SYNPO2: variants seen among roughly 807,000 people sequenced by gnomAD.
SYNPO2 encodes the protein synaptopodin-2.
In SYNPO2, 56 loss-of-function variants were observed where a neutral mutation model predicts 85.0. The ratio of observed to expected loss-of-function variants is 0.66; its 90% CI spans 0.53 to 0.82. The LOEUF is 0.82. SYNPO2 is among the 40% of genes least tolerant of loss of function. SYNPO2 has a pLI of 0.00. For missense variants in SYNPO2, 1,575 were observed against 1,534.2 expected (o/e 1.03, Z -0.44); for synonymous variants, 602 against 591.1 (o/e 1.02, Z -0.27).
At chr4:118,916,764 A>T (rs1397862821) in intron 1 of SYNPO2, among the ~76,000 whole-genome samples, 5 of 92,194 alleles carry the variant, frequency 5.4e-5, no homozygotes, top group Admixed American at 1.7e-4. Flanking sequence ...ACAGGGTCTT[A>T]CTCTGTCCCC....
chr4:119,034,548 T>C, intron 4 of SYNPO2: 7 of 985,562 alleles, frequency 7.1e-6, no homozygotes, highest in Non-Finnish European at 8.4e-6. Flanking sequence ...ATGTCAGGCA[T>C]GCAGTAAAAG....
intron 1 of SYNPO2, among the ~76,000 whole-genome samples, chr4:118,911,889 C>G (rs1733151229): frequency 6.6e-6 from 1 of 151,948 alleles, no homozygotes; most frequent in African/African-American, 2.4e-5. Context: ...GAGAAATTTC[C>G]CTAAAGGCAC....
intron 1 of SYNPO2, among the ~76,000 whole-genome samples, chr4:118,952,766 G>A (rs762806206): frequency 3.3e-5 from 5 of 152,052 alleles, no homozygotes; most frequent in African/African-American, 4.8e-5. Flanking sequence ...ATGAGGATTT[G>A]CTCTCTCAGC....
At position 119,030,127 on chromosome 4, in the gene SYNPO2, C is replaced by T. The variant is rs907473152; in HGVS notation, c.1352C>T (p.Ser451Phe). The change falls in exon 4 of 5, where the codon TCT becomes TTT. Residue 451 changes from serine to phenylalanine, a missense_variant. Around this residue, in one of 3 missense-constraint regions of SYNPO2, gnomAD observed 1,508 missense variants for 1,446.8 expected, o/e 1.04. Transcript: ENST00000307142. ...TCAGAGGTGGATGAAGAGTTATTGT[C>T]TGACGTTGACGACAACACACAAGTT... ...SESEVDEELL[S>F]DVDDNTQVVN... 8 of 1,613,968 alleles carry T rather than the reference C, an allele frequency of 5.0e-6. No homozygotes were observed. The African/African-American group carries it at 8.0e-5, about 16-fold the overall frequency.
intron 1 of SYNPO2, among the ~76,000 whole-genome samples, chr4:118,883,643 G>A (rs1015210020): frequency 6.6e-6 from 1 of 151,836 alleles, no homozygotes; most frequent in East Asian, 1.9e-4. Flanking sequence ...TAGAATTAGA[G>A]TTAGTCCCAG....
intron 1 of SYNPO2, among the ~76,000 whole-genome samples, chr4:118,975,948 A>C (rs1735708600): frequency 6.6e-6 from 1 of 152,248 alleles, no homozygotes; most frequent in African/African-American, 2.4e-5. Flanking sequence ...TAAATATTTT[A>C]CAGATTTGTT....
intron 1 of SYNPO2, among the ~76,000 whole-genome samples, chr4:118,986,445 G>T (rs951918805): frequency 6.6e-6 from 1 of 152,166 alleles, no homozygotes; most frequent in African/African-American, 2.4e-5. Flanking sequence ...AATGTTCTTT[G>T]GGTTAGGTCA....
rs1481553749 is a variant in SYNPO2 at position 119,035,062 on chromosome 4, C to T, written c.3252+3035C>T. 13 of 985,322 alleles carry T rather than the reference C, an allele frequency of 1.3e-5. No individual in the cohort carries two copies. In the South Asian group the frequency reaches 4.2e-4, roughly 32 times the overall value. 61.0% of individuals were successfully genotyped at this position (985,322 alleles called of 1,614,324 possible). A position where few individuals can be genotyped will look rare whatever the true frequency, so the allele number is the denominator to read the frequency against. On this transcript the variant is annotated intron_variant, in intron 4 of 4. Coordinates refer to ENST00000307142, the MANE Select transcript of SYNPO2 (RefSeq NM_133477.3). ...CCAGCTCAAGAGCGACAATCATTTACGAGTTCCTATGTTATGTTAGGTGCC... is the reference window on the plus strand; with the variant it reads ...CCAGCTCAAGAGCGACAATCATTTATGAGTTCCTATGTTATGTTAGGTGCC...
At chr4:119,053,662 T>A (rs1189817923) in intron 4 of SYNPO2, among the ~76,000 whole-genome samples, 1 of 152,248 alleles carries the variant, frequency 6.6e-6, no homozygotes, top group Admixed American at 6.5e-5. Flanking sequence ...TAATAGGATA[T>A]CACTGAACAA....
At chr4:119,018,823 A>G (rs1737614090) in intron 1 of SYNPO2, among the ~76,000 whole-genome samples, 1 of 152,204 alleles carries the variant, frequency 6.6e-6, no homozygotes, top group Non-Finnish European at 1.5e-5. Flanking sequence ...TGTTCCTAGC[A>G]CAAAGAAATG....
chr4:119,035,205 A>C, intron 4 of SYNPO2: 1 of 985,454 alleles, frequency 1.0e-6, no homozygotes, highest in Non-Finnish European at 1.2e-6. Flanking sequence ...TCTTTCCACA[A>C]GTTTCCCCTT....
rs1350660239 is a variant in SYNPO2 at position 119,030,441 on chromosome 4, G to A, written c.1666G>A (p.Glu556Lys). 2.0e-5 allele frequency: 33 copies of A among 1,614,042 alleles called. No homozygotes were observed. The highest frequency in any genetic ancestry group is 2.6e-5 in the Non-Finnish European group (31 of 1,180,042). Reference sequence around the variant, plus strand: ...GAGCTCTGTGAGCAAAAGCTACATCGAGGTGAGTCATGGTCTTGGCCATGT... The same window carrying A: ...GAGCTCTGTGAGCAAAAGCTACATCAAGGTGAGTCATGGTCTTGGCCATGT... ...TQSSVSKSYIEVSHGLGHVPQ... is the reference protein window; with the variant it reads ...TQSSVSKSYIKVSHGLGHVPQ... The change falls in exon 4 of 5, where the codon GAG becomes AAG. Residue 556 changes from glutamate (E) to lysine (K), a missense_variant. Transcript: ENST00000307142.
intron 1 of SYNPO2, among the ~76,000 whole-genome samples, chr4:118,960,826 C>A (rs1735053345): frequency 6.6e-6 from 1 of 152,142 alleles, no homozygotes; most frequent in Non-Finnish European, 1.5e-5. Context: ...TTGATTCTTT[C>A]CTTCTTCTTA....
intron 1 of SYNPO2, among the ~76,000 whole-genome samples, chr4:118,955,528 C>T (rs1734845294): frequency 6.6e-6 from 1 of 152,060 alleles, no homozygotes; most frequent in South Asian, 2.1e-4. Context: ...AGGAAGAAAA[C>T]TATTGAATTG....
At chr4:118,872,029 G>A (rs1183017508) in intron 1 of SYNPO2, among the ~76,000 whole-genome samples, 1 of 152,216 alleles carries the variant, frequency 6.6e-6, no homozygotes, top group Non-Finnish European at 1.5e-5. Flanking sequence ...GCCTTAGTCA[G>A]TTAAAAGTGA....
In SYNPO2 at chr4:118,850,793, G is replaced by T. The variant is rs112773273; in HGVS notation, c.-136G>T. ...CTCGGAAGCGAAGCTCCAATCTTGA[G>T]GATGGATCAGATTGGTGAGGGAGAC... On this transcript the variant is annotated 5_prime_UTR_variant, in exon 1 of 5. Transcript: ENST00000610556. The T allele has an allele frequency of 3.5e-5, 14 of 398,642 alleles. 1 individual carries two copies. The highest frequency in any genetic ancestry group is 2.1e-4 in the African/African-American group (10 of 48,750). The allele number at this position is 398,642 out of a possible 1,614,324, so 24.7% of individuals were successfully genotyped here. A position where few individuals can be genotyped will look rare whatever the true frequency, so the allele number is the denominator to read the frequency against.
intron 1 of SYNPO2, among the ~76,000 whole-genome samples, chr4:118,980,910 T>C (rs4833599): frequency 0.85 from 129,878 of 152,202 alleles, 55,499 homozygotes; most frequent in Middle Eastern, 0.94. Context: ...GGAAACTGAG[T>C]CTGGAATGGT....
intron 1 of SYNPO2, among the ~76,000 whole-genome samples, chr4:118,932,710 A>G (rs1208822096): frequency 6.6e-6 from 1 of 152,226 alleles, no homozygotes; most frequent in African/African-American, 2.4e-5. Context: ...TGTTTTCTGT[A>G]ATTTCAAACT....
chr4:118,951,945 G>T (rs1282610600), intron 1 of SYNPO2, among the ~76,000 whole-genome samples: 1 of 152,164 alleles, frequency 6.6e-6, no homozygotes, highest in East Asian at 1.9e-4. Flanking sequence ...AAAGGAGAGG[G>T]CCCACTCTTC....
Sources: gnomAD v4.1 joint callset for allele counts (sites outside exome capture counted in the v4.1 genomes callset) on GRCh38, gnomAD v4.1.1 for gene constraint, gnomAD v4.1.1 regional missense constraint, MANE v1.5 for transcripts, NCBI Gene and HGNC (gene_info 2026-07-23, HGNC 2026-07-21) for gene names.